Variants in MOXD1 observed in about 807,000 individuals in gnomAD.
MOXD1 encodes the protein monooxygenase DBH like 1, also known as DBH-like monooxygenase protein 1.
In MOXD1, 62 loss-of-function variants were observed where a neutral mutation model predicts 66.6. That is an observed-to-expected ratio of 0.93 (90% confidence interval 0.76 to 1.15). The LOEUF is 1.15. MOXD1 is among the 50% of genes most tolerant of loss of function. MOXD1 has a pLI of 0.00. For synonymous variants in MOXD1, 303 were observed against 281.9 expected (o/e 1.07, Z -0.75); for missense variants, 847 against 754.6 (o/e 1.12, Z -1.44).
chr6:132,380,065 A>C (rs1000509191), intron 1 of MOXD1, among the ~76,000 whole-genome samples: 1 of 151,944 alleles, frequency 6.6e-6, no homozygotes, highest in African/African-American at 2.4e-5. Flanking sequence ...AGTTTTCTTT[A>C]ACTTCTTTCC....
intron 10 of MOXD1, among the ~76,000 whole-genome samples, chr6:132,301,287 G>T (rs1385320102): frequency 6.6e-6 from 1 of 151,252 alleles, no homozygotes; most frequent in Non-Finnish European, 1.5e-5. Context: ...ATTTTCCTTT[G>T]TAAATTCCAT....
intron 10 of MOXD1, among the ~76,000 whole-genome samples, chr6:132,299,834 A>C (rs1179058859): frequency 6.6e-6 from 1 of 151,968 alleles, no homozygotes; most frequent in Non-Finnish European, 1.5e-5. Context: ...ATCTCAGCTG[A>C]AGAATATACA....
intron 1 of MOXD1, among the ~76,000 whole-genome samples, chr6:132,387,475 G>A (rs917272435): frequency 4.6e-5 from 7 of 150,804 alleles, no homozygotes; most frequent in African/African-American, 1.7e-4. Flanking sequence ...AGTTTGGGGT[G>A]GAGCACGGTA....
chr6:132,374,570 G>T (rs1776336830), intron 2 of MOXD1, 61 bp downstream of exon 2: 1 of 1,429,724 alleles, frequency 7.0e-7, no homozygotes, highest in Non-Finnish European at 9.6e-7. Flanking sequence ...ATTCTTTAAA[G>T]TGCTTCACAA....
chr6:132,373,095 T>A, intron 2 of MOXD1, 98 bp from the exon 3 acceptor site: 1 of 1,170,868 alleles, frequency 8.5e-7, no homozygotes, highest in Non-Finnish European at 1.2e-6. Context: ...GATATAGAAG[T>A]GAAGAAAAGA....
intron 4 of MOXD1, among the ~76,000 whole-genome samples, chr6:132,349,403 A>G (rs1775740684): frequency 2.4e-5 from 1 of 42,282 alleles, no homozygotes; most frequent in Non-Finnish European, 4.0e-5. Flanking sequence ...ACACATATAT[A>G]TACATATATA....
At chr6:132,366,835 T>C (rs114083101) in intron 4 of MOXD1, among the ~76,000 whole-genome samples, 1,914 of 152,210 alleles carry the variant, frequency 0.013, 46 homozygotes, top group African/African-American at 0.044. Flanking sequence ...AGGTGCCTAC[T>C]ATAGGAAAAT....
intron 1 of MOXD1, 149 bp downstream of exon 1, chr6:132,401,014 G>C (rs1441801734): frequency 2.8e-6 from 3 of 1,063,024 alleles, no homozygotes; most frequent in East Asian, 6.3e-5. Context: ...CGCTGCCCGC[G>C]GAGGCGAGAG....
intron 1 of MOXD1, among the ~76,000 whole-genome samples, chr6:132,379,866 G>C (rs917743279): frequency 6.6e-6 from 1 of 151,914 alleles, no homozygotes; most frequent in Non-Finnish European, 1.5e-5. Context: ...TGTCATCCAG[G>C]CTAGAGTACA....
At position 132,320,675 on chromosome 6, in the gene MOXD1, A is replaced by C; in HGVS notation, c.1319T>G (p.Ile440Ser). ...EQTILPGDNL[I>S]TECRYNTKDR... ...TTTCGTGTTGTAGCGACACTCAGTAATTAGGTTATCTCCCTGAAACATAAA... is the reference window on the plus strand; with the variant it reads ...TTTCGTGTTGTAGCGACACTCAGTACTTAGGTTATCTCCCTGAAACATAAA... The change falls in exon 9 of 12, where the codon ATT becomes AGT. Residue 440 changes from isoleucine (I) to serine (S), a missense_variant. Ile to Ser is a moderately radical substitution (Grantham distance 142, BLOSUM62 -2). Coordinates refer to ENST00000367963, the MANE Select transcript of MOXD1 (RefSeq NM_015529.4). The C allele has an allele frequency of 6.2e-7, 1 of 1,611,084 alleles. No homozygotes were observed.
chr6:132,331,110 A>T (rs1775308544), intron 4 of MOXD1, among the ~76,000 whole-genome samples: 1 of 152,210 alleles, frequency 6.6e-6, no homozygotes, highest in African/African-American at 2.4e-5. Context: ...CACAGAAGTA[A>T]AACCCAGAAT....
intron 6 of MOXD1, among the ~76,000 whole-genome samples, chr6:132,324,464 T>C (rs1294982558): frequency 1.3e-5 from 2 of 152,198 alleles, no homozygotes; most frequent in Admixed American, 6.5e-5. Context: ...TTAATAAAAC[T>C]TTTATTTTAT....
intron 1 of MOXD1, chr6:132,390,309 T>C (rs1392764170): frequency 1.3e-5 from 2 of 151,598 alleles, no homozygotes; most frequent in Non-Finnish European, 3.0e-5. Flanking sequence ...TGCTTTGAAT[T>C]GTACACACTA....
chr6:132,372,965 G>T lies in MOXD1; in HGVS notation c.444C>A (p.His148Gln), dbSNP rs1251489144. The T allele has an allele frequency of 6.2e-7, 1 of 1,613,822 alleles. No homozygotes were observed. The highest frequency in any genetic ancestry group is 8.5e-7 in the Non-Finnish European group (1 of 1,179,888). ...DSTVRVIWAY[H>Q]HEDAGEAGPK... is the part of the protein sequence containing the mutation. Reference sequence around the variant, plus strand: ...GACCAGCTTCTCCTGCATCTTCATGGTGGTAGGCCCAGATCACTCTCACAG... The same window carrying T: ...GACCAGCTTCTCCTGCATCTTCATGTTGGTAGGCCCAGATCACTCTCACAG... Residue 148 changes from histidine (H) to glutamine (Q), a missense_variant, in exon 3 of 12, where the codon CAC (histidine) becomes CAA (glutamine). By Grantham distance (24) the His-to-Gln change is conservative (BLOSUM62 0). Transcript: ENST00000367963.
chr6:132,342,190 T>G (rs1472637846), intron 4 of MOXD1, among the ~76,000 whole-genome samples: 1 of 152,162 alleles, frequency 6.6e-6, no homozygotes, highest in African/African-American at 2.4e-5. Context: ...TTAGTAGAGA[T>G]GGGGTTTCAC....
intron 4 of MOXD1, among the ~76,000 whole-genome samples, chr6:132,360,708 A>G (rs778699614): frequency 1.6e-4 from 24 of 152,180 alleles, no homozygotes; most frequent in Admixed American, 2.6e-4. Flanking sequence ...CCTCCCATCC[A>G]GACTGTGAGG....
intron 4 of MOXD1, among the ~76,000 whole-genome samples, chr6:132,334,975 C>A (rs899039131): frequency 1.3e-5 from 2 of 152,166 alleles, no homozygotes; most frequent in Admixed American, 6.5e-5. Context: ...AGAGATAATA[C>A]CAAAAAATTC....
chr6:132,345,920 G>A (rs1446121243), intron 4 of MOXD1, among the ~76,000 whole-genome samples: 1 of 152,040 alleles, frequency 6.6e-6, no homozygotes, highest in Non-Finnish European at 1.5e-5. Context: ...CTGATGGGGG[G>A]ATCCCAGCAA....
intron 4 of MOXD1, among the ~76,000 whole-genome samples, chr6:132,371,723 A>AG (rs1403708759): frequency 6.6e-6 from 1 of 152,106 alleles, no homozygotes; most frequent in Non-Finnish European, 1.5e-5. Flanking sequence ...TGGACTTATG[A>AG]TTCTCAAACC....
Sources: allele counts gnomAD v4.1 joint callset (sites outside exome capture counted in the v4.1 genomes callset), GRCh38; gene constraint gnomAD v4.1.1; transcripts MANE v1.5; gene names NCBI Gene and HGNC (gene_info 2026-07-23, HGNC 2026-07-21).